HFE: variants seen among roughly 807,000 people sequenced by gnomAD.
The protein encoded by HFE is hereditary hemochromatosis protein.
A neutral mutation model predicts 40.9 loss-of-function variants in HFE; 36 were observed. The ratio of observed to expected loss-of-function variants is 0.88; its 90% CI spans 0.67 to 1.16. HFE has a LOEUF of 1.16. Ranked by LOEUF, HFE falls within the 50% of genes most tolerant of loss-of-function variation. HFE has a pLI of 0.00. For synonymous variants in HFE, 157 were observed against 165.4 expected, an observed-to-expected ratio of 0.95 and a Z score of 0.39; for missense variants, 376 against 432.0, an observed-to-expected ratio of 0.87 and a Z score of 1.15.
intron 1 of HFE, among the ~76,000 whole-genome samples, chr6:26,087,850 CT>C (rs1561937047): frequency 6.6e-6 from 1 of 152,208 alleles, no homozygotes; most frequent in African/African-American, 2.4e-5. Context: ...CCTGGGGCTC[CT>C]TGAACCTGGA....
At chr6:26,090,772 G>A in intron 1 of HFE, 69 bp from the exon 2 acceptor site, 1 of 1,487,350 alleles carries the variant, frequency 6.7e-7, no homozygotes, top group Non-Finnish European at 9.4e-7. Context: ...GTTGATGCAG[G>A]TGTGTGGAGC....
Position 26,095,147 on chromosome 6 carries a change from A to G in HFE, c.*921A>G, listed in dbSNP as rs1409148772. On this transcript the variant is annotated 3_prime_UTR_variant, in exon 6 of 6. Coordinates refer to ENST00000357618, the MANE Select transcript of HFE (RefSeq NM_000410.4). ...TGCATTACTGCATGCACTTCTTACA[A>G]TAATTCTATGAGATAGGTACTATTA... 6.6e-6 allele frequency: 1 copy of G among 152,384 alleles called. No homozygotes were observed. Among genetic ancestry groups the G allele is most frequent in the Non-Finnish European group, 1.5e-5 (1 of 68,164 alleles). 9.4% of individuals were successfully genotyped at this position (152,384 alleles called of 1,614,324 possible). A position where few individuals can be genotyped will look rare whatever the true frequency, so the allele number is the denominator to read the frequency against.
chr6:26,091,035 C>A lies in HFE; in HGVS notation c.271C>A (p.Leu91Met), dbSNP rs751621033. 6.2e-7 allele frequency: 1 copy of A among 1,614,162 alleles called. No individual in the cohort carries two copies. The highest frequency in any genetic ancestry group is 8.5e-7 in the Non-Finnish European group (1 of 1,180,026). The stretch of plus-strand genomic sequence containing the variant: ...GATGTGGCTGCAGCTGAGTCAGAGT[C>A]TGAAAGGGTGGGATCACATGTTCAC... ...SQMWLQLSQS[L>M]KGWDHMFTVD... Residue 91 changes from leucine (L) to methionine (M), a missense_variant, in exon 2 of 6, where the codon CTG becomes ATG. Coordinates refer to ENST00000357618, the MANE Select transcript of HFE (RefSeq NM_000410.4).
intron 4 of HFE, 70 bp from the exon 5 acceptor site, chr6:26,093,049 G>T: frequency 6.2e-7 from 1 of 1,613,714 alleles, no homozygotes; most frequent in Non-Finnish European, 8.5e-7. Context: ...GTGAGATGAG[G>T]ATCTGCTCTT....
In HFE at chr6:26,094,275, A is replaced by C; in HGVS notation, c.*49A>C. 3 of 1,551,868 alleles carry C rather than the reference A, an allele frequency of 1.9e-6. No homozygotes were observed. Among genetic ancestry groups the C allele is most frequent in the Non-Finnish European group, 2.7e-6 (3 of 1,123,738 alleles). On this transcript the variant is annotated 3_prime_UTR_variant, in exon 6 of 6. Transcript: ENST00000357618. The stretch of plus-strand genomic sequence containing the variant: ...GGGAAGGAGACAAAACTAGAGACTC[A>C]AAGAGGGAGTGCATTTATGAGCTCT...
rs1763036441 is a variant in HFE, at chr6:26,096,446, T to TTAATA, written c.*2223_*2227dup. 2.2e-6 allele frequency: 1 copy of TTAATA among 456,040 alleles called. No individual in the cohort carries two copies. Among genetic ancestry groups the TTAATA allele is most frequent in the Non-Finnish European group, 4.4e-6 (1 of 226,800 alleles). 28.2% of individuals were successfully genotyped at this position (456,040 alleles called of 1,614,324 possible). A position where few individuals can be genotyped will look rare whatever the true frequency, so the allele number is the denominator to read the frequency against. ...ACCCTGCCCAGCCGTCAAAAGAGTCTTAATATATATATCCAGATGGCATGT... is the reference window on the plus strand; with the variant it reads ...ACCCTGCCCAGCCGTCAAAAGAGTCTTAATATAATATATATATCCAGATGGCATGT... On this transcript the variant is annotated 3_prime_UTR_variant, in exon 6 of 6. Coordinates refer to ENST00000357618, the MANE Select transcript of HFE (RefSeq NM_000410.4).
At chr6:26,091,884 T>G (rs1762733788) in intron 3 of HFE, among the ~76,000 whole-genome samples, 1 of 151,938 alleles carries the variant, frequency 6.6e-6, no homozygotes. Context: ...TGTTAAAAAT[T>G]CAGAAATGTC....
rs1293837185 is a variant in HFE, at chr6:26,092,728, G to A, written c.660G>A (p.Val220=). The part of the protein sequence containing the change: ...VKVTHHVTSS[V]TTLRCRALNY... ...TGACACATCATGTGACCTCTTCAGT[G>A]ACCACTCTACGGTGTCGGGCCTTGA... Residue 220 remains valine, a synonymous_variant, in exon 4 of 6, where the codon GTG becomes GTA. Coordinates refer to ENST00000357618, the MANE Select transcript of HFE (RefSeq NM_000410.4). 4 of 1,614,062 alleles carry A rather than the reference G, an allele frequency of 2.5e-6. No individual in the cohort carries two copies. Among genetic ancestry groups the A allele is most frequent in the Non-Finnish European group, 3.4e-6 (4 of 1,180,036 alleles).
In HFE at chr6:26,092,844, A is replaced by G. The variant is rs143846467; in HGVS notation, c.776A>G (p.Asn259Ser). The G allele has an allele frequency of 1.2e-5, 19 of 1,614,050 alleles. No homozygotes were observed. In the African/African-American group the frequency reaches 2.4e-4, roughly 20 times the overall value. ...KEFEPKDVLP[N>S]GDGTYQGWIT... ...TTCGAACCTAAAGACGTATTGCCCA[A>G]TGGGGATGGGACCTACCAGGGCTGG... The change falls in exon 4 of 6, where the codon AAT becomes AGT. Residue 259 changes from asparagine to serine, a missense_variant. Coordinates refer to ENST00000357618, the MANE Select transcript of HFE (RefSeq NM_000410.4).
intron 1 of HFE, among the ~76,000 whole-genome samples, chr6:26,089,283 G>A (rs1274593281): frequency 6.6e-6 from 1 of 152,078 alleles, no homozygotes; most frequent in East Asian, 1.9e-4. Flanking sequence ...TCCTGGTTAA[G>A]AAGCTCGGGT....
chr6:26,090,442 C>CCAAAAAAA (rs1491263588), intron 1 of HFE, among the ~76,000 whole-genome samples: 4 of 36,720 alleles, frequency 1.1e-4, no homozygotes, highest in African/African-American at 4.3e-4. Flanking sequence ...GACTCTGTCT[C>CCAAAAAAA]AAAAAAAAAA....
Position 26,089,059 on chromosome 6 carries a change from A to G in HFE, c.76+1543A>G, listed in dbSNP as rs539762607. Reference sequence around the variant, plus strand: ...CCAGGCAAACTGAGTGGGCCTGGCAAGTTGGATTAAAAAGCGGGTTTTCTC... The same window carrying G: ...CCAGGCAAACTGAGTGGGCCTGGCAGGTTGGATTAAAAAGCGGGTTTTCTC... On this transcript the variant is annotated intron_variant, in intron 1 of 5. Transcript: ENST00000357618. Among the ~76,000 whole-genome samples, 14 of 134,206 alleles carry G rather than the reference A, an allele frequency of 1.0e-4. No individual in the cohort carries two copies. The East Asian group carries it at 3.4e-3, about 32-fold the overall frequency. The allele number at this position is 134,206 out of a possible 152,430, so 88.0% of individuals were successfully genotyped here.
At position 26,095,529 on chromosome 6, in the gene HFE, A is replaced by C. The variant is rs965047847; in HGVS notation, c.*1303A>C. ...AAAATAAAAAAATGAAAAAAAAAAG[A>C]AAGTGAAGTATAGAGTATCTCATAG... On this transcript the variant is annotated 3_prime_UTR_variant, in exon 6 of 6. Coordinates refer to ENST00000357618, the MANE Select transcript of HFE (RefSeq NM_000410.4). 1.3e-5 allele frequency: 2 copies of C among 152,014 alleles called. No individual in the cohort carries two copies. The highest frequency in any genetic ancestry group is 2.9e-5 in the Non-Finnish European group (2 of 68,014). The allele number at this position is 152,014 out of a possible 1,614,324, so 9.4% of individuals were successfully genotyped here. A position where few individuals can be genotyped will look rare whatever the true frequency, so the allele number is the denominator to read the frequency against.
In HFE at chr6:26,094,123, G is replaced by A. The variant is rs1762910954; in HGVS notation, c.1007-63G>A. ...GGGTGAATGAGGAAAATAAGGAAGAGAGAAGAGGCAAGATGGTGCCTAGGT... is the reference window on the plus strand; with the variant it reads ...GGGTGAATGAGGAAAATAAGGAAGAAAGAAGAGGCAAGATGGTGCCTAGGT... On this transcript the variant is annotated intron_variant, in intron 5 of 5. Coordinates refer to ENST00000357618, the MANE Select transcript of HFE (RefSeq NM_000410.4). 3 of 1,488,430 alleles carry A rather than the reference G, an allele frequency of 2.0e-6. No individual in the cohort carries two copies. In the South Asian group the frequency reaches 3.4e-5, roughly 17 times the overall value. The allele number at this position is 1,488,430 out of a possible 1,614,324, so 92.2% of individuals were successfully genotyped here.
intron 1 of HFE, among the ~76,000 whole-genome samples, chr6:26,087,882 T>G (rs1762396693): frequency 6.6e-6 from 1 of 152,226 alleles, no homozygotes; most frequent in Admixed American, 6.5e-5. Flanking sequence ...ATTTCCAATG[T>G]CAGCTGTGCA....
chr6:26,090,442 CAAAAAAA>C (rs56267433), intron 1 of HFE, among the ~76,000 whole-genome samples: 8 of 36,728 alleles, frequency 2.2e-4, no homozygotes, highest in East Asian at 1.1e-3. Flanking sequence ...GACTCTGTCT[CAAAAAAA>C]AAAAAAAAAA....
intron 1 of HFE, 114 bp from the exon 2 acceptor site, chr6:26,090,727 C>A: frequency 1.8e-6 from 2 of 1,136,834 alleles, no homozygotes; most frequent in Non-Finnish European, 1.3e-6. Context: ...ACTCACCCTT[C>A]ACAAAATGAG....
rs2113764431 is a variant in HFE, at chr6:26,093,241, G to A, written c.1006+9G>A. Reference sequence around the variant, plus strand: ...GAAGAGGCAGGGTTCAAGTGAGTAGGAACAAGGGGGAAGTCTCTTAGTACC... The same window carrying A: ...GAAGAGGCAGGGTTCAAGTGAGTAGAAACAAGGGGGAAGTCTCTTAGTACC... On this transcript the variant is annotated intron_variant, in intron 5 of 5. Transcript: ENST00000357618. 1 of 1,576,640 alleles carries A rather than the reference G, an allele frequency of 6.3e-7. No homozygotes were observed. Among genetic ancestry groups the A allele is most frequent in the Non-Finnish European group, 8.7e-7 (1 of 1,146,030 alleles).
At chr6:26,088,551 G>A (rs1408488172) in intron 1 of HFE, among the ~76,000 whole-genome samples, 2 of 152,120 alleles carry the variant, frequency 1.3e-5, no homozygotes, top group Non-Finnish European at 2.9e-5. Flanking sequence ...GTCACACGCC[G>A]GCCTCAGCAC....
Sources: gnomAD v4.1 joint callset for allele counts (sites outside exome capture counted in the v4.1 genomes callset) on GRCh38, gnomAD v4.1.1 for gene constraint, MANE v1.5 for transcripts, NCBI Gene and HGNC (gene_info 2026-07-23, HGNC 2026-07-21) for gene names.